Variants in NTM observed in about 807,000 individuals in gnomAD.
The protein encoded by NTM is IgLON family member 2.
A neutral mutation model predicts 42.1 loss-of-function variants in NTM; 13 were observed. That is an observed-to-expected ratio of 0.31 (90% CI 0.20 to 0.49). NTM has a LOEUF of 0.49. Ranked by LOEUF, NTM falls within the 20% of genes least tolerant of loss-of-function variation. The pLI, the probability that NTM is intolerant of heterozygous loss-of-function variation, is 0.99. For synonymous variants in NTM, 187 were observed against 179.2 expected, an observed-to-expected ratio of 1.04 and a Z score of -0.35; for missense variants, 373 against 452.8, an observed-to-expected ratio of 0.82 and a Z score of 1.60.
chr11:131,493,926 A>T (rs575973517), intron 1 of NTM, among the ~76,000 whole-genome samples: 1 of 152,142 alleles, frequency 6.6e-6, no homozygotes, highest in Admixed American at 6.5e-5. Context: ...TCTTATTTCA[A>T]TTCTGCTTTC....
chr11:132,231,164 G>A (rs1438034830), intron 4 of NTM, among the ~76,000 whole-genome samples: 1 of 152,200 alleles, frequency 6.6e-6, no homozygotes, highest in East Asian at 1.9e-4. Flanking sequence ...ATAGCACAGA[G>A]TAAAGTGCCG....
intron 4 of NTM, among the ~76,000 whole-genome samples, chr11:132,249,245 G>T: frequency 6.6e-6 from 1 of 152,156 alleles, no homozygotes. Flanking sequence ...AAGGCTGAAG[G>T]CTAGAAAATA....
intron 1 of NTM, among the ~76,000 whole-genome samples, chr11:131,614,100 C>T (rs150454303): frequency 2.3e-4 from 35 of 152,308 alleles, no homozygotes; most frequent in African/African-American, 7.9e-4. Flanking sequence ...TTGCAAGGTT[C>T]ACTGAGATCT....
At chr11:132,064,801 A>G (rs1289561493) in intron 2 of NTM, among the ~76,000 whole-genome samples, 2 of 152,190 alleles carry the variant, frequency 1.3e-5, no homozygotes, top group African/African-American at 4.8e-5. Flanking sequence ...GTAAGTGACC[A>G]TGGCCTGGGG....
At chr11:131,917,178 G>C (rs1259044257) in intron 2 of NTM, among the ~76,000 whole-genome samples, 1 of 152,240 alleles carries the variant, frequency 6.6e-6, no homozygotes, top group Non-Finnish European at 1.5e-5. Context: ...TGTTAGCAGT[G>C]TCTGGCGGAT....
At chr11:131,618,786 G>A (rs2062216113) in intron 1 of NTM, among the ~76,000 whole-genome samples, 1 of 152,210 alleles carries the variant, frequency 6.6e-6, no homozygotes, top group Non-Finnish European at 1.5e-5. Context: ...TTCTATGCAT[G>A]GATAGACAGG....
chr11:131,632,880 A>T (rs974370508), intron 1 of NTM, among the ~76,000 whole-genome samples: 2 of 147,222 alleles, frequency 1.4e-5, no homozygotes, highest in African/African-American at 5.4e-5. Context: ...TCACCGTGTT[A>T]GCCAGGATGG....
chr11:131,800,687 C>T (rs996739615), intron 1 of NTM, among the ~76,000 whole-genome samples: 6 of 152,168 alleles, frequency 3.9e-5, no homozygotes, highest in African/African-American at 1.4e-4. Context: ...CTAGGTGTTC[C>T]ATCCTCTTCC....
intron 1 of NTM, among the ~76,000 whole-genome samples, chr11:131,506,402 G>A (rs1158057322): frequency 3.9e-5 from 6 of 152,106 alleles, no homozygotes; most frequent in East Asian, 1.9e-4. Flanking sequence ...TTTCTCCATC[G>A]GGAGCACTAA....
At chr11:131,731,360 C>G (rs779649213) in intron 1 of NTM, among the ~76,000 whole-genome samples, 4 of 149,552 alleles carry the variant, frequency 2.7e-5, no homozygotes, top group Non-Finnish European at 6.0e-5. Flanking sequence ...TCTCCTTGGG[C>G]AGGTCAACAC....
At chr11:131,869,360 TACA>T (rs745628836) in intron 1 of NTM, among the ~76,000 whole-genome samples, 5 of 152,202 alleles carry the variant, frequency 3.3e-5, no homozygotes, top group Non-Finnish European at 5.9e-5. Flanking sequence ...TTGTGTGATT[TACA>T]ACAACTCCTT....
At chr11:132,035,142 G>C (rs1446096027) in intron 2 of NTM, among the ~76,000 whole-genome samples, 1 of 152,176 alleles carries the variant, frequency 6.6e-6, no homozygotes, top group Admixed American at 6.5e-5. Flanking sequence ...ACATGAACTT[G>C]ATATTCAGGC....
intron 4 of NTM, among the ~76,000 whole-genome samples, chr11:132,226,050 T>G (rs879926659): frequency 6.6e-6 from 1 of 152,234 alleles, no homozygotes; most frequent in Non-Finnish European, 1.5e-5. Context: ...ACTCATCCTT[T>G]TTATGGCTGC....
chr11:131,968,886 A>T (rs1206997713), intron 2 of NTM, among the ~76,000 whole-genome samples: 1 of 152,180 alleles, frequency 6.6e-6, no homozygotes, highest in African/African-American at 2.4e-5. Context: ...CTCTTACTGC[A>T]CTTTGGGCCA....
intron 4 of NTM, among the ~76,000 whole-genome samples, chr11:132,267,841 CAA>C (rs61564878): frequency 0.22 from 29,708 of 136,844 alleles, 3,823 homozygotes; most frequent in East Asian, 0.64. Context: ...GACTCCATCT[CAA>C]AAAAAAAAAA....
At chr11:131,618,075 C>G (rs2062133857) in intron 1 of NTM, among the ~76,000 whole-genome samples, 1 of 152,190 alleles carries the variant, frequency 6.6e-6, no homozygotes, top group Non-Finnish European at 1.5e-5. Context: ...CCCAGAAAGG[C>G]TTGAGGCTGC....
At chr11:131,949,417 C>A (rs148574506) in intron 2 of NTM, among the ~76,000 whole-genome samples, 1 of 152,274 alleles carries the variant, frequency 6.6e-6, no homozygotes, top group East Asian at 1.9e-4. Context: ...GTTCACTGAT[C>A]CTGTGTCTTC....
chr11:131,917,608 A>T lies in NTM; in HGVS notation c.167+5960A>T, dbSNP rs565108709. ...AGGGACACAGAAAAGCACTCTGCTC[A>T]TCCTTTCTCTCTGTTTGTGGAGTCT... On this transcript the variant is annotated intron_variant, in intron 2 of 8. Transcript: ENST00000683400. 2.0e-5 allele frequency among the ~76,000 whole-genome samples: 3 copies of T among 152,320 alleles called. No individual in the cohort carries two copies. In the East Asian group the frequency reaches 5.8e-4, roughly 29 times the overall value.
intron 3 of NTM, among the ~76,000 whole-genome samples, chr11:132,151,818 C>T (rs73593390): frequency 0.015 from 2,352 of 152,208 alleles, 44 homozygotes; most frequent in African/African-American, 0.052. Context: ...CTGTTCACTT[C>T]GTGTGTTAAA....
Sources: allele counts gnomAD v4.1 joint callset (sites outside exome capture counted in the v4.1 genomes callset), GRCh38; gene constraint gnomAD v4.1.1; transcripts MANE v1.5; gene names NCBI Gene and HGNC (gene_info 2026-07-23, HGNC 2026-07-21).